The following LMBR1L variants were observed in gnomAD, a reference collection of about 807,000 sequenced individuals.
The protein encoded by LMBR1L is protein LMBR1L.
A neutral mutation model predicts 67.3 loss-of-function variants in LMBR1L; 47 were observed. The observed-to-expected ratio is 0.70, with a 90% CI of 0.55 to 0.89. The LOEUF (loss-of-function observed/expected upper bound fraction) is 0.89. Among genes scored for constraint, LMBR1L ranks in the 40% least tolerant of loss-of-function variants. The probability of loss-of-function intolerance (pLI) is 0.00; values close to 1 mark genes in which losing one functional copy is unlikely to be tolerated. For missense variants in LMBR1L, 533 were observed against 599.2 expected (o/e 0.89, Z 1.15); for synonymous variants, 247 against 250.3 (o/e 0.99, Z 0.13).
At chr12:49,105,370 C>G (rs1165162947) in intron 3 of LMBR1L, 2 of 176,966 alleles carry the variant, frequency 1.1e-5, no homozygotes, top group Admixed American at 1.1e-4. Context: ...AGCTTCATAG[C>G]CAAGGTCTAT....
chr12:49,104,008 A>G, intron 5 of LMBR1L, 195 bp from the exon 6 acceptor site: 1 of 566,736 alleles, frequency 1.8e-6, no homozygotes. Flanking sequence ...GGTGTTCTTC[A>G]TTTGCATCTC....
At position 49,106,128 on chromosome 12, in the gene LMBR1L, G is replaced by A. The variant is rs1940876024; in HGVS notation, c.158-171C>T. The A allele has an allele frequency of 6.8e-6, 4 of 586,956 alleles. No individual in the cohort carries two copies. The South Asian group carries it at 9.2e-5, about 13-fold the overall frequency. The allele number at this position is 586,956 out of a possible 1,614,324, so 36.4% of individuals were successfully genotyped here. A position where few individuals can be genotyped will look rare whatever the true frequency, so the allele number is the denominator to read the frequency against. ...TATGAACTCCATAGCCTGTTCTCCAGCCAAGGTGGCAGCTTAAAAATCAGT... is the reference window on the plus strand; with the variant it reads ...TATGAACTCCATAGCCTGTTCTCCAACCAAGGTGGCAGCTTAAAAATCAGT... On this transcript the variant is annotated intron_variant, in intron 2 of 16. Coordinates refer to ENST00000267102, the MANE Select transcript of LMBR1L (RefSeq NM_018113.4).
chr12:49,103,297 C>T (rs1940460048), intron 6 of LMBR1L, 138 bp from the exon 7 acceptor site: 1 of 735,538 alleles, frequency 1.4e-6, no homozygotes, highest in Non-Finnish European at 2.3e-6. Flanking sequence ...AGCTGGCCAG[C>T]ATTAGCAGAA....
At chr12:49,098,129 G>A (rs1939642121) in intron 15 of LMBR1L, 24 bp from the exon 16 acceptor site, 1 of 1,600,228 alleles carries the variant, frequency 6.2e-7, no homozygotes, top group Non-Finnish European at 8.5e-7. Context: ...GCCAGGATGA[G>A]AGGTGGGCTC....
chr12:49,110,405 C>G (rs1205719490), intron 1 of LMBR1L, 79 bp downstream of exon 1: 10 of 1,399,426 alleles, frequency 7.1e-6, no homozygotes, highest in Non-Finnish European at 1.0e-5. Context: ...TGACGGCACT[C>G]TGAGACCAGG....
intron 13 of LMBR1L, chr12:49,101,038 TTTC>T: frequency 8.8e-7 from 1 of 1,137,206 alleles, no homozygotes; most frequent in Middle Eastern, 2.8e-4. Context: ...CTCTTTTTAT[TTTC>T]TTCTGATCAG....
At chr12:49,107,196 TC>T in intron 1 of LMBR1L, 151 bp from the exon 2 acceptor site, 1 of 603,548 alleles carries the variant, frequency 1.7e-6, no homozygotes, top group Non-Finnish European at 2.9e-6. Flanking sequence ...TCTGTTCTGA[TC>T]CCCCAGGTAC....
chr12:49,102,764 C>T, intron 8 of LMBR1L, 123 bp downstream of exon 8: 1 of 971,152 alleles, frequency 1.0e-6, no homozygotes, highest in Non-Finnish European at 1.6e-6. Flanking sequence ...AATACAGGAA[C>T]CAACAAAGGC....
At chr12:49,105,092 T>C in intron 3 of LMBR1L, 1 of 574,454 alleles carries the variant, frequency 1.7e-6, no homozygotes, top group Non-Finnish European at 3.1e-6. Context: ...GCTCATGGGA[T>C]GGGCACAGCC....
At position 49,100,562 on chromosome 12, in the gene LMBR1L, C is replaced by T; in HGVS notation, c.1167G>A (p.Met389Ile). 1 of 1,614,060 alleles carries T rather than the reference C, an allele frequency of 6.2e-7. No individual in the cohort carries two copies. The highest frequency in any genetic ancestry group is 8.5e-7 in the Non-Finnish European group (1 of 1,179,920). ...SLRPRWHDTA[M>I]TQIIGNCVCL... Reference sequence around the variant, plus strand: ...CTTACTCCCTCCCAGCTACCTGCGTCATGGCAGTGTCGTGCCATCTGGGCC... The same window carrying T: ...CTTACTCCCTCCCAGCTACCTGCGTTATGGCAGTGTCGTGCCATCTGGGCC... Residue 389 changes from methionine (M) to isoleucine (I), a missense_variant, in exon 14 of 17, where the codon ATG (methionine) becomes ATA (isoleucine). By Grantham distance (10) the Met-to-Ile change is conservative (BLOSUM62 1). Coordinates refer to ENST00000267102, the MANE Select transcript of LMBR1L (RefSeq NM_018113.4).
At position 49,110,684 on chromosome 12, in the gene LMBR1L, G is replaced by A. The variant is rs2121107971; in HGVS notation, c.-129C>T. 2.7e-6 allele frequency: 2 copies of A among 737,550 alleles called. No homozygotes were observed. The highest frequency in any genetic ancestry group is 4.7e-6 in the Non-Finnish European group (2 of 422,324). 45.7% of individuals were successfully genotyped at this position (737,550 alleles called of 1,614,324 possible). ...TCCTCGCAGCCTGCGACAGAAACTC[G>A]GGGCAGTCTGGGGCTCAGATACAGT... is the stretch of plus-strand genomic sequence containing the variant. On this transcript the variant is annotated 5_prime_UTR_variant, in exon 1 of 17. Transcript: ENST00000267102.
rs112150571 is a variant in LMBR1L at position 49,099,429 on chromosome 12, G to A, written c.1240+959C>T. Among the ~76,000 whole-genome samples, 602 of 151,926 alleles carry A rather than the reference G, an allele frequency of 4.0e-3. 5 individuals carry two copies. Among genetic ancestry groups the A allele is most frequent in the African/African-American group, 6.4e-3 (265 of 41,404 alleles). The stretch of plus-strand genomic sequence containing the variant: ...CCTCCCAAAGTGTGAGATTACAGAC[G>A]TGAGCCACCAGGCCTGGCCCCAGAA... On this transcript the variant is annotated intron_variant, in intron 15 of 16. Transcript: ENST00000267102.
At chr12:49,104,416 G>T (rs142115350) in intron 5 of LMBR1L, 32 bp downstream of exon 5, 28 of 1,438,952 alleles carry the variant, frequency 1.9e-5, no homozygotes, top group Non-Finnish European at 2.5e-5. Context: ...GTGGAATTCC[G>T]TTTCCTGCCT....
rs1940421312 is a variant in LMBR1L, at chr12:49,103,073, C to A, written c.631+18G>T. 1 of 1,613,586 alleles carries A rather than the reference C, an allele frequency of 6.2e-7. No individual in the cohort carries two copies. Among genetic ancestry groups the A allele is most frequent in the African/African-American group, 1.3e-5 (1 of 75,026 alleles). ...TCCAAGGACCCTGCCCATTCCCTCCCAGACCCTGTACACTCACCCAGGAGC... is the reference window on the plus strand; with the variant it reads ...TCCAAGGACCCTGCCCATTCCCTCCAAGACCCTGTACACTCACCCAGGAGC... On this transcript the variant is annotated intron_variant, in intron 7 of 16. Transcript: ENST00000267102.
intron 12 of LMBR1L, 47 bp from the exon 13 acceptor site, chr12:49,101,370 C>A: frequency 1.2e-6 from 2 of 1,607,020 alleles, no homozygotes; most frequent in South Asian, 2.2e-5. Context: ...ACCATCAGCA[C>A]TACCCGGCAC....
intron 5 of LMBR1L, 41 bp downstream of exon 5, chr12:49,104,407 T>C (rs774301062): frequency 7.4e-7 from 1 of 1,352,612 alleles, no homozygotes. Flanking sequence ...ACCATGTGTG[T>C]GGAATTCCGT....
chr12:49,107,070 GAGA>G (rs1365909004), intron 1 of LMBR1L, 25 bp from the exon 2 acceptor site: 1 of 1,530,930 alleles, frequency 6.5e-7, no homozygotes, highest in East Asian at 2.2e-5. Context: ...GAGCTGGGAT[GAGA>G]AGCTCTAACC....
At position 49,110,583 on chromosome 12, in the gene LMBR1L, G is replaced by A; in HGVS notation, c.-28C>T. On this transcript the variant is annotated 5_prime_UTR_variant, in exon 1 of 17. Coordinates refer to ENST00000267102, the MANE Select transcript of LMBR1L (RefSeq NM_018113.4). ...TCTGCTCAGCATGACTGAAGCCGAG[G>A]TGCCTCTGGGCCCGGGGAGGACGAG... 1 of 1,605,846 alleles carries A rather than the reference G, an allele frequency of 6.2e-7. No individual in the cohort carries two copies. Among genetic ancestry groups the A allele is most frequent in the East Asian group, 2.2e-5 (1 of 44,826 alleles).
intron 5 of LMBR1L, 42 bp downstream of exon 5, chr12:49,104,406 G>A (rs780417268): frequency 7.5e-7 from 1 of 1,340,642 alleles, no homozygotes; most frequent in Admixed American, 1.7e-5. Flanking sequence ...AACCATGTGT[G>A]TGGAATTCCG....
Sources: gnomAD v4.1 joint callset for allele counts (sites outside exome capture counted in the v4.1 genomes callset) on GRCh38, gnomAD v4.1.1 for gene constraint, MANE v1.5 for transcripts, NCBI Gene and HGNC (gene_info 2026-07-23, HGNC 2026-07-21) for gene names.